Variants in COMMD1 observed in about 807,000 individuals in gnomAD.
The protein encoded by COMMD1 is COMM domain-containing protein 1.
In COMMD1, 10 loss-of-function variants were observed where a neutral mutation model predicts 17.2. The observed-to-expected ratio is 0.58, with a 90% confidence interval of 0.36 to 0.99. COMMD1 has a LOEUF of 0.99. Among genes scored for constraint, COMMD1 ranks in the 50% least tolerant of loss-of-function variants. The probability of loss-of-function intolerance (pLI) is 0.01; values close to 1 mark genes in which losing one functional copy is unlikely to be tolerated. For missense variants in COMMD1, 270 were observed against 231.8 expected, an observed-to-expected ratio of 1.17 and a Z score of -1.07; for synonymous variants, 97 against 91.6, an observed-to-expected ratio of 1.06 and a Z score of -0.34.
intron 1 of COMMD1, among the ~76,000 whole-genome samples, chr2:61,948,890 G>A (rs1035745419): frequency 1.3e-5 from 2 of 152,182 alleles, no homozygotes; most frequent in Admixed American, 1.3e-4. Context: ...AAATTCCAGT[G>A]ACTACAGGGA....
intron 2 of COMMD1, among the ~76,000 whole-genome samples, chr2:62,007,750 T>C (rs1465741443): frequency 6.6e-6 from 1 of 152,224 alleles, no homozygotes; most frequent in Non-Finnish European, 1.5e-5. Flanking sequence ...CTCTATCATG[T>C]TCACACAATG....
chr2:61,930,408 T>C (rs925388698), intron 1 of COMMD1, among the ~76,000 whole-genome samples: 5 of 151,884 alleles, frequency 3.3e-5, no homozygotes, highest in African/African-American at 1.2e-4. Flanking sequence ...ATACAAAAAT[T>C]AGCCAGGCGT....
intron 1 of COMMD1, among the ~76,000 whole-genome samples, chr2:61,907,870 T>G (rs1669811900): frequency 6.6e-6 from 1 of 152,072 alleles, no homozygotes; most frequent in Admixed American, 6.6e-5. Flanking sequence ...TTTTTATTTT[T>G]AGTAGCGACA....
intron 2 of COMMD1, among the ~76,000 whole-genome samples, chr2:62,011,890 AC>A (rs779866920): frequency 6.6e-6 from 1 of 152,202 alleles, no homozygotes; most frequent in Non-Finnish European, 1.5e-5. Context: ...AATAAGAACA[AC>A]AAAAAAGTTG....
chr2:62,112,027 A>C (rs1389679192), intron 2 of COMMD1, among the ~76,000 whole-genome samples: 2 of 152,218 alleles, frequency 1.3e-5, no homozygotes, highest in African/African-American at 4.8e-5. Context: ...AGGAAAATAC[A>C]CAGATGTGTT....
chr2:61,953,954 T>C (rs922343363), intron 1 of COMMD1, among the ~76,000 whole-genome samples: 4 of 152,138 alleles, frequency 2.6e-5, no homozygotes, highest in African/African-American at 9.7e-5. Context: ...GTGCGGTGGC[T>C]CATGCCTGTA....
intron 2 of COMMD1, among the ~76,000 whole-genome samples, chr2:62,091,983 T>C (rs1671842063): frequency 2.6e-5 from 4 of 152,176 alleles, no homozygotes; most frequent in Admixed American, 2.6e-4. Flanking sequence ...TGCTGTTCCA[T>C]ATAACACTCT....
chr2:62,012,424 T>A (rs1408466299), intron 2 of COMMD1, among the ~76,000 whole-genome samples: 3 of 150,604 alleles, frequency 2.0e-5, no homozygotes, highest in Non-Finnish European at 4.4e-5. Flanking sequence ...GTTCAAGCAA[T>A]TCCCCTGCCT....
intron 2 of COMMD1, among the ~76,000 whole-genome samples, chr2:62,041,940 G>C (rs922156604): frequency 6.6e-6 from 1 of 152,236 alleles, no homozygotes; most frequent in East Asian, 1.9e-4. Context: ...AAAGAACTAA[G>C]CTTCCACACT....
chr2:61,991,030 G>A (rs901701391), intron 1 of COMMD1, among the ~76,000 whole-genome samples: 23 of 151,876 alleles, frequency 1.5e-4, no homozygotes, highest in African/African-American at 5.6e-4. Context: ...GGACAAGGCT[G>A]TAGTGAGCCG....
chr2:61,963,192 C>A (rs200851163), intron 1 of COMMD1, among the ~76,000 whole-genome samples: 1 of 96,726 alleles, frequency 1.0e-5, no homozygotes. Flanking sequence ...ATATTATATA[C>A]ACACACACAC....
At chr2:61,896,819 C>CTTTTTT (rs112184843) in intron 1 of COMMD1, among the ~76,000 whole-genome samples, 11 of 137,170 alleles carry the variant, frequency 8.0e-5, no homozygotes, top group East Asian at 2.1e-4. Context: ...TTTTCCTTTT[C>CTTTTTT]TTTTTTTTTT....
chr2:61,957,233 C>T (rs186439063), intron 1 of COMMD1, among the ~76,000 whole-genome samples: 266 of 152,074 alleles, frequency 1.7e-3, no homozygotes, highest in African/African-American at 5.4e-3. Context: ...GCAGGGATTA[C>T]AGGTGTAGGT....
chr2:61,919,543 G>A (rs1274920276), intron 1 of COMMD1, among the ~76,000 whole-genome samples: 1 of 122,526 alleles, frequency 8.2e-6, no homozygotes, highest in African/African-American at 3.0e-5. Flanking sequence ...GCTTCATCGC[G>A]TTTTTTTTTT....
intron 1 of COMMD1, among the ~76,000 whole-genome samples, chr2:61,992,079 A>G (rs1672266597): frequency 6.6e-6 from 1 of 152,268 alleles, no homozygotes; most frequent in Admixed American, 6.5e-5. Flanking sequence ...CTTAAGCATT[A>G]TATCATTAGA....
intron 2 of COMMD1, among the ~76,000 whole-genome samples, chr2:62,033,660 C>T (rs552426012): frequency 1.3e-5 from 2 of 152,184 alleles, no homozygotes; most frequent in Admixed American, 6.5e-5. Context: ...GTTTGATTTG[C>T]CCTGCTCTCA....
intron 2 of COMMD1, among the ~76,000 whole-genome samples, chr2:62,019,293 T>A (rs1165940495): frequency 6.6e-6 from 1 of 151,674 alleles, no homozygotes; most frequent in African/African-American, 2.4e-5. Context: ...TCTGCCTCAG[T>A]CTCCCAAGTA....
intron 1 of COMMD1, among the ~76,000 whole-genome samples, chr2:61,983,107 CT>C (rs1314501510): frequency 3.3e-4 from 50 of 151,372 alleles, no homozygotes; most frequent in African/African-American, 1.2e-3. Context: ...GGTATTAATT[CT>C]TCTTTAAATG....
chr2:62,071,420 T>C (rs968781129), intron 2 of COMMD1, among the ~76,000 whole-genome samples: 6 of 152,244 alleles, frequency 3.9e-5, no homozygotes, highest in African/African-American at 1.4e-4. Context: ...TTACGACCTG[T>C]ATGTCCTGCC....
Sources: allele counts gnomAD v4.1 joint callset (sites outside exome capture counted in the v4.1 genomes callset), GRCh38; gene constraint gnomAD v4.1.1; transcripts MANE v1.5; gene names NCBI Gene and HGNC (gene_info 2026-07-23, HGNC 2026-07-21).